The following METTL22 variants were observed in gnomAD, a reference collection of about 807,000 sequenced individuals.
METTL22 encodes methyltransferase-like protein 22.
METTL22 carries 51 observed loss-of-function variants against 48.4 expected under a neutral mutation model. The observed-to-expected ratio is 1.05, with a 90% CI of 0.84 to 1.33. The LOEUF (loss-of-function observed/expected upper bound fraction) is 1.33. Among genes scored for constraint, METTL22 ranks in the 40% most tolerant of loss-of-function variants. METTL22 has a pLI of 0.00. For missense variants in METTL22, 678 were observed against 526.9 expected, an observed-to-expected ratio of 1.29 and a Z score of -2.81; for synonymous variants, 255 against 214.1, an observed-to-expected ratio of 1.19 and a Z score of -1.67.
chr16:8,664,601 T>C, the METTL22 span, among the ~76,000 whole-genome samples: 5 of 152,216 alleles, frequency 3.3e-5, no homozygotes, highest in South Asian at 1.0e-3. Flanking sequence ...CCTAGGCACA[T>C]ACCACCACAC....
chr16:8,664,712 C>T, the METTL22 span, among the ~76,000 whole-genome samples: 1 of 152,104 alleles, frequency 6.6e-6, no homozygotes, highest in Non-Finnish European at 1.5e-5. Context: ...CTTCCCACCT[C>T]AGCCTTCCAA....
chr16:8,623,642 A>G (rs2055939279), intron 1 of METTL22: 1 of 152,264 alleles, frequency 6.6e-6, no homozygotes, highest in East Asian at 1.9e-4. Flanking sequence ...CCAGATTCAC[A>G]GACTTTCTTT....
At chr16:8,631,798 G>A (rs966566851) in intron 3 of METTL22, 2 of 152,192 alleles carry the variant, frequency 1.3e-5, no homozygotes, top group Non-Finnish European at 2.9e-5. Flanking sequence ...ATGTTCTCAT[G>A]ATACCTTTGG....
chr16:8,644,389 G>C (rs1452725464), intron 9 of METTL22, 168 bp from the exon 10 acceptor site: 4 of 621,356 alleles, frequency 6.4e-6, no homozygotes, highest in Admixed American at 2.9e-5. Context: ...CTGTCGTGCA[G>C]ATGTAGGAAG....
intron 3 of METTL22, among the ~76,000 whole-genome samples, 172 bp downstream of exon 3, chr16:8,629,282 G>T (rs1027226437): frequency 9.9e-5 from 15 of 152,170 alleles, no homozygotes; most frequent in Non-Finnish European, 1.5e-4. Context: ...CTCCTGCCCG[G>T]CTCACACCAC....
At chr16:8,634,924 C>T in intron 3 of METTL22, 115 bp from the exon 4 acceptor site, 1 of 1,394,144 alleles carries the variant, frequency 7.2e-7, no homozygotes, top group Non-Finnish European at 1.0e-6. Flanking sequence ...ACGCCTCATT[C>T]CAACCTCTGA....
At chr16:8,654,321 T>C (rs151012231), downstream of METTL22, among the ~76,000 whole-genome samples, 85 of 152,338 alleles carry the variant, frequency 5.6e-4, no homozygotes, top group Non-Finnish European at 9.6e-4. Context: ...TTGCTCATCA[T>C]CACATAACTT....
chr16:8,622,529 G>C (rs563451145), intron 1 of METTL22, among the ~76,000 whole-genome samples: 5 of 152,308 alleles, frequency 3.3e-5, no homozygotes, highest in African/African-American at 1.2e-4. Context: ...AGTAAAGAGA[G>C]GAGCCCGAAG....
intron 6 of METTL22, among the ~76,000 whole-genome samples, chr16:8,640,871 T>G: frequency 8.0e-6 from 1 of 125,088 alleles, no homozygotes; most frequent in African/African-American, 3.2e-5. Context: ...GGCCGGAAGA[T>G]GGGCAGGTGG....
chr16:8,642,240 T>G lies in METTL22; in HGVS notation c.907+33T>G, dbSNP rs1567243453. 22 of 1,572,682 alleles carry G rather than the reference T, an allele frequency of 1.4e-5. 1 individual carries two copies. In the South Asian group the frequency reaches 2.4e-4, roughly 17 times the overall value. On this transcript the variant is annotated intron_variant, in intron 8 of 10. Coordinates refer to ENST00000381920, the MANE Select transcript of METTL22 (RefSeq NM_024109.4). ...AATTTCTCCTTCGCCGTACACGTCCTTTGTTGTAGCATGAAGTCAAGTGCA... is the reference window on the plus strand; with the variant it reads ...AATTTCTCCTTCGCCGTACACGTCCGTTGTTGTAGCATGAAGTCAAGTGCA...
chr16:8,644,674 C>T lies in METTL22; in HGVS notation c.1128C>T (p.Pro376=), dbSNP rs746400090. 2.1e-5 allele frequency: 34 copies of T among 1,605,270 alleles called. No homozygotes were observed. The highest frequency in any genetic ancestry group is 1.7e-4 in the Admixed American group (10 of 58,494). Residue 376 remains proline (P), a synonymous_variant, in exon 10 of 11, where the codon CCC becomes CCT. Coordinates refer to ENST00000381920, the MANE Select transcript of METTL22 (RefSeq NM_024109.4). ...ADGKLRFVVE[P]VEASFPQLLV... The stretch of plus-strand genomic sequence containing the variant: ...GCAAGCTGCGCTTCGTGGTGGAGCC[C>T]GTGGAGGCCTCCTTCCCACAGCTCC...
intron 3 of METTL22, chr16:8,631,492 C>T (rs1323262458): frequency 6.6e-6 from 1 of 152,300 alleles, no homozygotes; most frequent in East Asian, 1.9e-4. Flanking sequence ...GGGGTACAAC[C>T]TCCTCCAGTT....
chr16:8,646,238 G>C lies in METTL22; in HGVS notation c.*95G>C. ...ACCAAAGCAACATGCTTGAGATTTT[G>C]TCATTTTAAAAATATGGTTACACGT... On this transcript the variant is annotated 3_prime_UTR_variant, in exon 11 of 11. Coordinates refer to ENST00000381920, the MANE Select transcript of METTL22 (RefSeq NM_024109.4). 1 of 1,510,272 alleles carries C rather than the reference G, an allele frequency of 6.6e-7. No individual in the cohort carries two copies. The highest frequency in any genetic ancestry group is 9.2e-7 in the Non-Finnish European group (1 of 1,091,528). 93.6% of individuals were successfully genotyped at this position (1,510,272 alleles called of 1,614,324 possible). A position where few individuals can be genotyped will look rare whatever the true frequency, so the allele number is the denominator to read the frequency against.
At chr16:8,634,931 C>CT in intron 3 of METTL22, 108 bp from the exon 4 acceptor site, 1 of 1,450,106 alleles carries the variant, frequency 6.9e-7, no homozygotes, top group Non-Finnish European at 9.6e-7. Context: ...ATTCCAACCT[C>CT]TGACGCCCAT....
chr16:8,649,827 CCATT>C (rs2056867742), downstream of METTL22, among the ~76,000 whole-genome samples: 2 of 312 alleles, frequency 6.4e-3, no homozygotes, highest in South Asian at 0.25. Flanking sequence ...AAAAAAAAAA[CCATT>C]AGTGAAACTG....
the METTL22 span, among the ~76,000 whole-genome samples, chr16:8,661,827 C>T: frequency 6.9e-6 from 1 of 144,664 alleles, no homozygotes; most frequent in South Asian, 2.2e-4. Flanking sequence ...CCCACTTTGG[C>T]CTCTCAAAAT....
chr16:8,637,983 C>CAAAA (rs56246164), intron 5 of METTL22, among the ~76,000 whole-genome samples: 27 of 142,768 alleles, frequency 1.9e-4, no homozygotes, highest in Admixed American at 1.4e-3. Flanking sequence ...ACTAAAAATA[C>CAAAA]AAAAAAAAAA....
rs2056384811 is a variant in METTL22, at chr16:8,635,164, CCA to C, written c.556-3_556-2del. On this transcript the variant is annotated splice_acceptor_variant and splice_polypyrimidine_tract_variant and intron_variant, in intron 4 of 10. Transcript: ENST00000381920. LOFTEE classifies it high-confidence loss of function. ...CTTGTCGCTCCTTGTCCTCTTCCCTCCAGGTGTGGCGGGGCGCCCTGCTCCTG... is the reference window on the plus strand; with the variant it reads ...CTTGTCGCTCCTTGTCCTCTTCCCTCGGTGTGGCGGGGCGCCCTGCTCCTG... 6.2e-7 allele frequency: 1 copy of C among 1,612,960 alleles called. No individual in the cohort carries two copies. Among genetic ancestry groups the C allele is most frequent in the Non-Finnish European group, 8.5e-7 (1 of 1,179,438 alleles).
intron 3 of METTL22, chr16:8,632,112 G>C (rs1350872188): frequency 6.6e-6 from 1 of 152,240 alleles, no homozygotes; most frequent in Non-Finnish European, 1.5e-5. Flanking sequence ...GAGGATGTCA[G>C]ACACAAGAAA....
Sources: gnomAD v4.1 joint callset for allele counts (sites outside exome capture counted in the v4.1 genomes callset) on GRCh38, gnomAD v4.1.1 for gene constraint, MANE v1.5 for transcripts, NCBI Gene and HGNC (gene_info 2026-07-23, HGNC 2026-07-21) for gene names.